Variants in ABCG1 observed in about 807,000 individuals in gnomAD.
The protein encoded by ABCG1 is ATP binding cassette subfamily G member 1.
Under a neutral mutation model 69.2 loss-of-function variants are expected in ABCG1, and 29 were observed. The observed-to-expected ratio is 0.42, with a 90% CI of 0.31 to 0.57. ABCG1 has a LOEUF of 0.57. Ranked by LOEUF, ABCG1 falls within the 20% of genes least tolerant of loss-of-function variation. ABCG1 has a pLI of 0.15. For synonymous variants in ABCG1, 370 were observed against 374.8 expected (o/e 0.99, Z 0.15); for missense variants, 718 against 898.1 (o/e 0.80, Z 2.56).
chr21:42,231,997 G>A (rs1348125069), intron 2 of ABCG1, among the ~76,000 whole-genome samples: 3 of 152,182 alleles, frequency 2.0e-5, no homozygotes, highest in African/African-American at 7.2e-5. Context: ...CAGAGGACTG[G>A]AGAACCCTTC....
intron 2 of ABCG1, among the ~76,000 whole-genome samples, chr21:42,251,081 C>A (rs535092165): frequency 1.3e-5 from 2 of 152,300 alleles, no homozygotes; most frequent in South Asian, 4.1e-4. Flanking sequence ...GTCACTATCT[C>A]CTCTGGAATA....
rs1201672408 is a variant in ABCG1, at chr21:42,296,690, C to A, written c.*298C>A. On this transcript the variant is annotated 3_prime_UTR_variant, in exon 15 of 15. Transcript: ENST00000398449. This position sits in a 1 kb window ranked among gnomAD's most constrained non-coding sequence, Gnocchi z 5.4. ...TGGGGCAGAATTTAAAGCTGCAACA[C>A]AGCTGGTGATGAGAGGCTTCCTCAG... 2.0e-5 allele frequency: 8 copies of A among 403,198 alleles called. No homozygotes were observed. The highest frequency in any genetic ancestry group is 1.6e-4 in the African/African-American group (8 of 49,186). The allele number at this position is 403,198 out of a possible 1,614,324, so 25.0% of individuals were successfully genotyped here. A position where few individuals can be genotyped will look rare whatever the true frequency, so the allele number is the denominator to read the frequency against.
rs185814935 is a variant in ABCG1, at chr21:42,245,065, G to C, written c.286+19151G>C. Among the ~76,000 whole-genome samples the C allele has an allele frequency of 4.3e-3, 649 of 152,368 alleles. 1 individual carries two copies. The highest frequency in any genetic ancestry group is 6.4e-3 in the Non-Finnish European group (438 of 68,030). ...CGCGCTCCACGAGCTCAGGCCTGCA[G>C]TGGGAGCTGAGCGTCTGGAGTGAGG... is the stretch of plus-strand genomic sequence containing the variant. On this transcript the variant is annotated intron_variant, in intron 2 of 14. Coordinates refer to ENST00000398449, the MANE Select transcript of ABCG1 (RefSeq NM_016818.3).
At chr21:42,201,186 A>G (rs2067503559) in intron 1 of ABCG1, among the ~76,000 whole-genome samples, 1 of 152,144 alleles carries the variant, frequency 6.6e-6, no homozygotes, top group Admixed American at 6.5e-5. Context: ...GTCTCTGTGC[A>G]GTCAAACCTC....
chr21:42,202,468 C>G (rs554466702), intron 2 of ABCG1, among the ~76,000 whole-genome samples: 1 of 152,100 alleles, frequency 6.6e-6, no homozygotes, highest in Admixed American at 6.5e-5. Flanking sequence ...AAACCGGGGG[C>G]CGGCAGGTTA....
intron 2 of ABCG1, among the ~76,000 whole-genome samples, chr21:42,232,399 G>A (rs559025942): frequency 2.6e-5 from 4 of 152,316 alleles, no homozygotes; most frequent in Non-Finnish European, 5.9e-5. Flanking sequence ...CGTTGTTAGC[G>A]GTGGCAGCCT....
In ABCG1 at chr21:42,273,755, T is replaced by C. The variant is rs1272917402; in HGVS notation, c.537+320T>C. ...AGGGCAGCCACCATACTATTTCTCC[T>C]GCAGGCCAGTGCTTGGGATTCTCCT... On this transcript the variant is annotated intron_variant, in intron 4 of 14. Transcript: ENST00000398449. This position sits in a 1 kb window ranked among gnomAD's most constrained non-coding sequence, Gnocchi z 5.3. 2.0e-5 allele frequency among the ~76,000 whole-genome samples: 3 copies of C among 152,192 alleles called. No homozygotes were observed. Among genetic ancestry groups the C allele is most frequent in the Non-Finnish European group, 2.9e-5 (2 of 68,032 alleles).
rs1436460230 is a variant in ABCG1 at position 42,291,274 on chromosome 21, A to G, written c.1494+82A>G. 1.6e-6 allele frequency: 2 copies of G among 1,263,860 alleles called. No homozygotes were observed. The highest frequency in any genetic ancestry group is 2.3e-6 in the Non-Finnish European group (2 of 882,756). 78.3% of individuals were successfully genotyped at this position (1,263,860 alleles called of 1,614,324 possible). On this transcript the variant is annotated intron_variant, in intron 12 of 14. Transcript: ENST00000398449. This position sits in a 1 kb window ranked among gnomAD's most constrained non-coding sequence, Gnocchi z 6.4. The stretch of plus-strand genomic sequence containing the variant: ...TTTATATCGAGTAAGAGGACCTGCC[A>G]GGGATGCAGGGTGACATGGCCCGAC...
chr21:42,260,356 A>G (rs2068386636), intron 2 of ABCG1, among the ~76,000 whole-genome samples: 1 of 152,200 alleles, frequency 6.6e-6, no homozygotes, highest in Non-Finnish European at 1.5e-5. Flanking sequence ...TGCTCCTGCC[A>G]GGGGCTCATC....
intron 2 of ABCG1, chr21:42,201,756 A>G (rs1253681082): frequency 6.2e-7 from 1 of 1,613,450 alleles, no homozygotes; most frequent in South Asian, 1.1e-5. Context: ...AGGATTTGGA[A>G]GCTAAAGCTC....
Position 42,247,721 on chromosome 21 carries a change from G to A in ABCG1, c.286+21807G>A, listed in dbSNP as rs542585045. On this transcript the variant is annotated intron_variant, in intron 2 of 14. Transcript: ENST00000398449. ...AAGGATGTCCAGATGGGGCCACCCC[G>A]GATTAGGATGGATTCAAAATCCAAG... Among the ~76,000 whole-genome samples, 24 of 152,326 alleles carry A rather than the reference G, an allele frequency of 1.6e-4. 1 individual carries two copies. In the South Asian group the frequency reaches 3.7e-3, roughly 24 times the overall value.
At chr21:42,247,333 A>G (rs947595944) in intron 2 of ABCG1, among the ~76,000 whole-genome samples, 2 of 152,240 alleles carry the variant, frequency 1.3e-5, no homozygotes, top group Non-Finnish European at 2.9e-5. Context: ...GGCAGGGGTT[A>G]TCTAAGACAG....
At chr21:42,289,276 C>T (rs928096361) in intron 10 of ABCG1, among the ~76,000 whole-genome samples, 12 of 152,088 alleles carry the variant, frequency 7.9e-5, no homozygotes, top group South Asian at 6.2e-4. Flanking sequence ...CTTCTCATCC[C>T]GGGACAGCTC....
chr21:42,265,634 C>G (rs562586049), intron 2 of ABCG1, among the ~76,000 whole-genome samples: 13 of 152,300 alleles, frequency 8.5e-5, no homozygotes, highest in Admixed American at 2.0e-4. Flanking sequence ...GTGAGGACTT[C>G]CAGCCTCCGG....
In ABCG1 at chr21:42,296,448, A is replaced by G. The variant is rs145032173; in HGVS notation, c.*56A>G. On this transcript the variant is annotated 3_prime_UTR_variant, in exon 15 of 15. Transcript: ENST00000398449. This position sits in a 1 kb window ranked among gnomAD's most constrained non-coding sequence, Gnocchi z 5.4. ...AGACACTGTGGCCGAGGGCACGTCT[A>G]GAATCGAGGAGGCAAGCCTGTGCCC... 4.3e-4 allele frequency: 644 copies of G among 1,488,288 alleles called. 1 individual carries two copies. In the African/African-American group the frequency reaches 7.9e-3, roughly 18 times the overall value. 92.2% of individuals were successfully genotyped at this position (1,488,288 alleles called of 1,614,324 possible). A position where few individuals can be genotyped will look rare whatever the true frequency, so the allele number is the denominator to read the frequency against.
In ABCG1 at chr21:42,296,623, G is replaced by GTTT; in HGVS notation, c.*231_*232insTTT. The stretch of plus-strand genomic sequence containing the variant: ...ACTAGGAAGATGTAGGCAGATTGGT[G>GTTT]GTTTTTTTTTTTTTAACATACAGAA... On this transcript the variant is annotated 3_prime_UTR_variant, in exon 15 of 15. Coordinates refer to ENST00000398449, the MANE Select transcript of ABCG1 (RefSeq NM_016818.3). This position sits in a 1 kb window ranked among gnomAD's most constrained non-coding sequence, Gnocchi z 5.4. The GTTT allele has an allele frequency of 2.3e-6, 1 of 444,004 alleles. No homozygotes were observed. The highest frequency in any genetic ancestry group is 4.1e-6 in the Non-Finnish European group (1 of 245,254). The allele number at this position is 444,004 out of a possible 1,614,324, so 27.5% of individuals were successfully genotyped here. A position where few individuals can be genotyped will look rare whatever the true frequency, so the allele number is the denominator to read the frequency against.
At chr21:42,207,625 G>A (rs2067553368) in intron 2 of ABCG1, among the ~76,000 whole-genome samples, 1 of 152,208 alleles carries the variant, frequency 6.6e-6, no homozygotes, top group South Asian at 2.1e-4. Flanking sequence ...ACTGTGGGAG[G>A]GGACGGGGGC....
At position 42,288,317 on chromosome 21, in the gene ABCG1, G is replaced by A. The variant is rs2068986817; in HGVS notation, c.1224+5G>A. ...CTCAGCATCATGAGGGACTCGGTAA[G>A]GCTGCCCGCATCTTCTCCTGTAGCT... On this transcript the variant is annotated splice_donor_5th_base_variant and intron_variant, in intron 10 of 14. Coordinates refer to ENST00000398449, the MANE Select transcript of ABCG1 (RefSeq NM_016818.3). The surrounding 1 kb of genome is among the most constrained non-coding windows in gnomAD (Gnocchi z 4.8). 1.1e-5 allele frequency: 17 copies of A among 1,588,060 alleles called. No homozygotes were observed. Among genetic ancestry groups the A allele is most frequent in the East Asian group, 2.3e-5 (1 of 44,108 alleles).
At chr21:42,282,592 C>G (rs1317017901) in intron 6 of ABCG1, among the ~76,000 whole-genome samples, 173 bp downstream of exon 6, 1 of 152,228 alleles carries the variant, frequency 6.6e-6, no homozygotes, top group Non-Finnish European at 1.5e-5. Flanking sequence ...GACTTATGCC[C>G]CCTCTCTCAC....
Sources: allele counts gnomAD v4.1 joint callset (sites outside exome capture counted in the v4.1 genomes callset), GRCh38; gene constraint gnomAD v4.1.1; non-coding constraint Gnocchi (gnomAD v3.1); transcripts MANE v1.5; gene names NCBI Gene and HGNC (gene_info 2026-07-23, HGNC 2026-07-21).